The following EPHB1 variants were observed in gnomAD, a reference collection of about 807,000 sequenced individuals.
EPHB1 encodes the protein ephrin type-B receptor 1.
Under a neutral mutation model 94.4 loss-of-function variants are expected in EPHB1, and 30 were observed. The observed-to-expected ratio is 0.32, with a 90% CI of 0.24 to 0.43. The LOEUF (loss-of-function observed/expected upper bound fraction) is 0.43. EPHB1 is among the 20% of genes least tolerant of loss of function. The probability of loss-of-function intolerance (pLI) is 1.00; values close to 1 mark genes in which losing one functional copy is unlikely to be tolerated. For missense variants in EPHB1, 1,055 were observed against 1,308.3 expected, an observed-to-expected ratio of 0.81 and a Z score of 2.99; for synonymous variants, 522 against 489.1, an observed-to-expected ratio of 1.07 and a Z score of -0.89.
At chr3:135,048,145 G>A (rs1341583945) in intron 3 of EPHB1, among the ~76,000 whole-genome samples, 2 of 151,200 alleles carry the variant, frequency 1.3e-5, no homozygotes, top group Non-Finnish European at 2.9e-5. Flanking sequence ...GGGTGGAGGT[G>A]CTGGGAAGGA....
chr3:135,137,009 C>T (rs1940643004), intron 5 of EPHB1, among the ~76,000 whole-genome samples: 3 of 152,252 alleles, frequency 2.0e-5, no homozygotes, highest in Non-Finnish European at 4.4e-5. Flanking sequence ...ATGGCCGGAT[C>T]ATCTGGCTGT....
intron 3 of EPHB1, among the ~76,000 whole-genome samples, chr3:135,041,326 T>C (rs1470456756): frequency 6.6e-6 from 1 of 152,182 alleles, no homozygotes; most frequent in Non-Finnish European, 1.5e-5. Flanking sequence ...ACCACTGGGA[T>C]GCTGGGAGGC....
intron 3 of EPHB1, among the ~76,000 whole-genome samples, chr3:134,965,520 G>T (rs1933705419): frequency 6.6e-6 from 1 of 152,144 alleles, no homozygotes; most frequent in Non-Finnish European, 1.5e-5. Context: ...AGCTATGATA[G>T]TGCCACTGTA....
At chr3:134,877,388 C>G (rs1316072408) in intron 1 of EPHB1, among the ~76,000 whole-genome samples, 1 of 152,162 alleles carries the variant, frequency 6.6e-6, no homozygotes, top group East Asian at 1.9e-4. Flanking sequence ...TTGCTAAGCC[C>G]CCTGACCCCC....
intron 12 of EPHB1, among the ~76,000 whole-genome samples, chr3:135,230,034 G>GTCTC (rs1336106015): frequency 2.6e-5 from 4 of 152,210 alleles, no homozygotes; most frequent in Non-Finnish European, 5.9e-5. Context: ...GGAAGCTGTG[G>GTCTC]TCTCTTAGGA....
At chr3:135,123,483 G>A (rs1028134543) in intron 4 of EPHB1, among the ~76,000 whole-genome samples, 2 of 152,100 alleles carry the variant, frequency 1.3e-5, no homozygotes, top group African/African-American at 4.8e-5. Flanking sequence ...CCCAAAATTG[G>A]TCATTTGGGC....
chr3:135,189,760 G>A (rs1315331090), intron 10 of EPHB1, among the ~76,000 whole-genome samples: 1 of 152,134 alleles, frequency 6.6e-6, no homozygotes, highest in Non-Finnish European at 1.5e-5. Flanking sequence ...GTGTTGTGGG[G>A]GACATCAAAT....
Position 135,032,278 on chromosome 3 carries a change from A to AT in EPHB1, c.806-74160dup, listed in dbSNP as rs71157317. ...TTTAAATCTCTTTTTTCTATCTCTG[A>AT]TTTTTTTTTTCTTTTTTTAGGTCAT... On this transcript the variant is annotated intron_variant, in intron 3 of 15. Transcript: ENST00000398015. Among the ~76,000 whole-genome samples the AT allele has an allele frequency of 6.0e-3, 831 of 139,230 alleles. 5 individuals carry two copies. Among genetic ancestry groups the AT allele is most frequent in the African/African-American group, 0.02 (737 of 36,726 alleles). The allele number at this position is 139,230 out of a possible 152,430, so 91.3% of individuals were successfully genotyped here. A position where few individuals can be genotyped will look rare whatever the true frequency, so the allele number is the denominator to read the frequency against.
chr3:134,888,706 CAAA>C (rs55786916), intron 1 of EPHB1, among the ~76,000 whole-genome samples: 7 of 109,652 alleles, frequency 6.4e-5, no homozygotes, highest in South Asian at 3.1e-4. Context: ...GACTCCATCT[CAAA>C]AAAAAAAAAA....
At chr3:134,862,173 G>A (rs1305029314) in intron 1 of EPHB1, among the ~76,000 whole-genome samples, 4 of 152,196 alleles carry the variant, frequency 2.6e-5, no homozygotes. Context: ...AGCCTCCTGA[G>A]TATCTAGCGC....
chr3:134,931,384 G>A (rs2038899702), intron 2 of EPHB1, among the ~76,000 whole-genome samples: 1 of 152,252 alleles, frequency 6.6e-6, no homozygotes, highest in Admixed American at 6.5e-5. Context: ...TGGTTGGCCA[G>A]GGCTCATGGC....
chr3:135,005,925 C>T (rs568312563), intron 3 of EPHB1, among the ~76,000 whole-genome samples: 75 of 152,326 alleles, frequency 4.9e-4, no homozygotes, highest in Non-Finnish European at 8.1e-4. Context: ...TCTTCTGTGT[C>T]GCTCAGGCTG....
At chr3:135,105,329 G>A (rs1184930352) in intron 3 of EPHB1, among the ~76,000 whole-genome samples, 1 of 152,206 alleles carries the variant, frequency 6.6e-6, no homozygotes, top group African/African-American at 2.4e-5. Context: ...AACAGTAAAT[G>A]TTTGTTGAAT....
chr3:135,166,150 T>G, intron 8 of EPHB1, 74 bp downstream of exon 8: 2 of 1,111,006 alleles, frequency 1.8e-6, no homozygotes, highest in South Asian at 2.5e-5. Flanking sequence ...CCAGGCTGCG[T>G]GGATCAGATA....
chr3:135,009,182 C>T (rs36063), intron 3 of EPHB1, among the ~76,000 whole-genome samples: 24,371 of 152,176 alleles, frequency 0.16, 2,920 homozygotes, highest in African/African-American at 0.33. Flanking sequence ...TTGAGGCCCT[C>T]TGATGCCTGG....
At chr3:135,078,120 C>G (rs1938012361) in intron 3 of EPHB1, among the ~76,000 whole-genome samples, 1 of 152,186 alleles carries the variant, frequency 6.6e-6, no homozygotes, top group South Asian at 2.1e-4. Flanking sequence ...CCTGCATTCC[C>G]CCAGGTTCCT....
At chr3:135,009,837 G>A (rs887121786) in intron 3 of EPHB1, among the ~76,000 whole-genome samples, 3 of 152,286 alleles carry the variant, frequency 2.0e-5, no homozygotes, top group East Asian at 1.9e-4. Flanking sequence ...AAATAAAAAC[G>A]TTTCTGATTA....
chr3:135,128,380 G>T (rs1424049164), intron 4 of EPHB1, among the ~76,000 whole-genome samples: 1 of 152,226 alleles, frequency 6.6e-6, no homozygotes, highest in Non-Finnish European at 1.5e-5. Flanking sequence ...TTCCTCCAGG[G>T]AGGTTTATGC....
At chr3:134,942,496 C>T (rs1172806956) in intron 2 of EPHB1, among the ~76,000 whole-genome samples, 1 of 152,178 alleles carries the variant, frequency 6.6e-6, no homozygotes, top group East Asian at 1.9e-4. Flanking sequence ...TAGAGTGCTT[C>T]CTAGTCATCT....
Sources: allele counts gnomAD v4.1 joint callset (sites outside exome capture counted in the v4.1 genomes callset), GRCh38; gene constraint gnomAD v4.1.1; transcripts MANE v1.5; gene names NCBI Gene and HGNC (gene_info 2026-07-23, HGNC 2026-07-21).